The following COL24A1 variants were observed in gnomAD, a reference collection of about 807,000 sequenced individuals.
COL24A1 encodes the protein collagen type XXIV alpha 1 chain.
COL24A1 carries 224 observed loss-of-function variants against 253.9 expected under a neutral mutation model. The ratio of observed to expected loss-of-function variants is 0.88; its 90% CI spans 0.79 to 0.99. COL24A1 has a LOEUF of 0.99. COL24A1 is among the 50% of genes least tolerant of loss of function. The pLI, the probability that COL24A1 is intolerant of heterozygous loss-of-function variation, is 0.00. For synonymous variants in COL24A1, 685 were observed against 673.7 expected (o/e 1.02, Z -0.26); for missense variants, 2,131 against 2,068.5 (o/e 1.03, Z -0.59).
At chr1:85,945,002 G>GTTTTTTTTTTTTTTTTTTT (rs1165341082) in intron 24 of COL24A1, among the ~76,000 whole-genome samples, 1 of 35,364 alleles carries the variant, frequency 2.8e-5, no homozygotes, top group Non-Finnish European at 4.8e-5. Flanking sequence ...CTATCATTGT[G>GTTTTTTTTTTTTTTTTTTT]TTTTTTTTTT....
intron 1 of COL24A1, among the ~76,000 whole-genome samples, chr1:86,149,673 C>T (rs1208156856): frequency 6.6e-6 from 1 of 152,184 alleles, no homozygotes; most frequent in Non-Finnish European, 1.5e-5. Context: ...ACTCATTTAG[C>T]AATTCAACAA....
At chr1:86,011,662 C>A (rs1696493625) in intron 19 of COL24A1, among the ~76,000 whole-genome samples, 1 of 152,200 alleles carries the variant, frequency 6.6e-6, no homozygotes, top group South Asian at 2.1e-4. Context: ...TCTTTTATCA[C>A]TTTGTTTTTA....
chr1:85,758,975 T>A (rs1486248546), intron 55 of COL24A1, among the ~76,000 whole-genome samples: 1 of 106,002 alleles, frequency 9.4e-6, no homozygotes. Context: ...TCCATATCTA[T>A]TAAGCAGTCC....
At chr1:86,072,828 G>T (rs1701969291) in intron 7 of COL24A1, among the ~76,000 whole-genome samples, 1 of 152,172 alleles carries the variant, frequency 6.6e-6, no homozygotes, top group South Asian at 2.1e-4. Flanking sequence ...CTTCACTGGT[G>T]ATACCCAGGC....
At chr1:86,084,929 A>G (rs1405062393) in intron 7 of COL24A1, among the ~76,000 whole-genome samples, 2 of 152,162 alleles carry the variant, frequency 1.3e-5, no homozygotes, top group Admixed American at 6.5e-5. Flanking sequence ...TAGACTCAGT[A>G]CTGCACTTGA....
intron 14 of COL24A1, 74 bp downstream of exon 14, chr1:86,031,804 A>C (rs1416589496): frequency 2.5e-6 from 3 of 1,218,276 alleles, no homozygotes; most frequent in Non-Finnish European, 3.4e-6. Flanking sequence ...CCTAAGTTTC[A>C]AAAACACATC....
intron 24 of COL24A1, among the ~76,000 whole-genome samples, chr1:85,950,897 G>T (rs1393611033): frequency 6.6e-6 from 1 of 152,196 alleles, no homozygotes; most frequent in Non-Finnish European, 1.5e-5. Flanking sequence ...GTAGAAGCCA[G>T]GTGAGCTGTG....
intron 14 of COL24A1, among the ~76,000 whole-genome samples, chr1:86,028,652 A>G (rs1698269487): frequency 6.6e-6 from 1 of 152,232 alleles, no homozygotes; most frequent in Non-Finnish European, 1.5e-5. Flanking sequence ...TAGCTGTGTG[A>G]GAATGGACTA....
chr1:85,927,166 G>C (rs550489631), intron 24 of COL24A1, among the ~76,000 whole-genome samples: 3 of 152,274 alleles, frequency 2.0e-5, no homozygotes, highest in Admixed American at 1.3e-4. Flanking sequence ...TCCATCTGAG[G>C]TACCGGGTTC....
At chr1:86,097,480 C>A (rs1424731450) in intron 5 of COL24A1, among the ~76,000 whole-genome samples, 2 of 26,354 alleles carry the variant, frequency 7.6e-5, no homozygotes, top group African/African-American at 2.3e-4. Context: ...CCTCCTCCCT[C>A]CTCCTCCTCC....
intron 24 of COL24A1, among the ~76,000 whole-genome samples, chr1:85,944,720 G>A (rs1025851685): frequency 2.0e-5 from 3 of 151,914 alleles, no homozygotes; most frequent in African/African-American, 7.3e-5. Context: ...TTAGCATTAG[G>A]TATATCTCCT....
intron 24 of COL24A1, among the ~76,000 whole-genome samples, chr1:85,945,968 C>G (rs2103242496): frequency 6.6e-6 from 1 of 152,276 alleles, no homozygotes; most frequent in South Asian, 2.1e-4. Flanking sequence ...GCTTACAAGA[C>G]TGGCTCTTGG....
intron 5 of COL24A1, among the ~76,000 whole-genome samples, chr1:86,104,807 C>G (rs759099239): frequency 6.6e-6 from 1 of 152,188 alleles, no homozygotes; most frequent in Non-Finnish European, 1.5e-5. Context: ...GTAGTGCTAG[C>G]CAAAGTGTTT....
chr1:86,102,529 T>C (rs1704562174), intron 5 of COL24A1, among the ~76,000 whole-genome samples: 2 of 152,208 alleles, frequency 1.3e-5, no homozygotes, highest in Admixed American at 1.3e-4. Context: ...GTGCAATACA[T>C]TTCCCCTTAA....
chr1:85,805,716 A>G (rs1200173242), intron 47 of COL24A1, among the ~76,000 whole-genome samples: 2 of 152,212 alleles, frequency 1.3e-5, no homozygotes, highest in Non-Finnish European at 2.9e-5. Flanking sequence ...CACTTATGGT[A>G]CGTGGGCAAG....
chr1:86,056,917 T>A (rs1700708524), intron 10 of COL24A1, among the ~76,000 whole-genome samples: 1 of 151,636 alleles, frequency 6.6e-6, no homozygotes, highest in African/African-American at 2.4e-5. Context: ...TTAGATAATA[T>A]AAGGCACAAA....
intron 2 of COL24A1, among the ~76,000 whole-genome samples, chr1:86,126,745 C>A (rs1428812627): frequency 6.6e-6 from 1 of 152,114 alleles, no homozygotes; most frequent in Non-Finnish European, 1.5e-5. Flanking sequence ...CAGGTGTGAA[C>A]CACCACGCCT....
chr1:86,007,212 C>G (rs1163607890), intron 19 of COL24A1, among the ~76,000 whole-genome samples: 1 of 144,350 alleles, frequency 6.9e-6, no homozygotes, highest in African/African-American at 2.7e-5. Flanking sequence ...GAAACTGTCT[C>G]AAAACAAACA....
intron 5 of COL24A1, among the ~76,000 whole-genome samples, chr1:86,104,584 T>C (rs1462390874): frequency 6.6e-6 from 1 of 152,066 alleles, no homozygotes; most frequent in Admixed American, 6.6e-5. Flanking sequence ...AACTTGAGGG[T>C]TTTATTGTGA....
Sources: gnomAD v4.1 joint callset for allele counts (sites outside exome capture counted in the v4.1 genomes callset) on GRCh38, gnomAD v4.1.1 for gene constraint, MANE v1.5 for transcripts, NCBI Gene and HGNC (gene_info 2026-07-23, HGNC 2026-07-21) for gene names.